ASIC2: variants seen among roughly 807,000 people sequenced by gnomAD.
ASIC2 encodes acid sensing ion channel subunit 2.
Under a neutral mutation model 57.3 loss-of-function variants are expected in ASIC2, and 25 were observed. The observed-to-expected ratio is 0.44, with a 90% confidence interval of 0.32 to 0.61. The LOEUF is 0.61. Among genes scored for constraint, ASIC2 ranks in the 20% least tolerant of loss-of-function variants. ASIC2 has a pLI of 0.06. For synonymous variants in ASIC2, 319 were observed against 307.5 expected (o/e 1.04, Z -0.39); for missense variants, 641 against 738.1 (o/e 0.87, Z 1.52).
chr17:33,942,460 T>C (rs901858261), intron 1 of ASIC2, among the ~76,000 whole-genome samples: 4 of 152,126 alleles, frequency 2.6e-5, no homozygotes, highest in African/African-American at 9.7e-5. Context: ...CAACAGCCAA[T>C]GGAAGAGCCA....
At chr17:33,316,444 C>T (rs544912792) in intron 1 of ASIC2, among the ~76,000 whole-genome samples, 5 of 152,184 alleles carry the variant, frequency 3.3e-5, no homozygotes, top group East Asian at 1.9e-4. Flanking sequence ...CTTTGCACCA[C>T]GCCAGGCTAA....
At position 33,315,442 on chromosome 17, in the gene ASIC2, C is replaced by T. The variant is rs553215563; in HGVS notation, c.556-203375G>A. On this transcript the variant is annotated intron_variant, in intron 1 of 9. Transcript: ENST00000359872. ...TAAACCCTGCATTTGTATTCCAAAACGCTTTGGGATATCTTAAAATAAAAT... is the reference window on the plus strand; with the variant it reads ...TAAACCCTGCATTTGTATTCCAAAATGCTTTGGGATATCTTAAAATAAAAT... Among the ~76,000 whole-genome samples, 30 of 152,198 alleles carry T rather than the reference C, an allele frequency of 2.0e-4. 2 individuals are homozygous for T. Among genetic ancestry groups the T allele is most frequent in the Admixed American group, 5.9e-4 (9 of 15,286 alleles).
At chr17:33,534,757 A>C (rs984285774) in intron 1 of ASIC2, 3 of 152,234 alleles carry the variant, frequency 2.0e-5, no homozygotes, top group African/African-American at 7.2e-5. Flanking sequence ...CCAGTGCTCT[A>C]TACCGAGGGG....
At chr17:33,793,928 T>A (rs897743492) in intron 1 of ASIC2, 1 of 152,210 alleles carries the variant, frequency 6.6e-6, no homozygotes, top group African/African-American at 2.4e-5. Context: ...ATGGTGACGA[T>A]GATTTTCTTC....
chr17:34,136,804 T>A (rs1912137935), intron 1 of ASIC2, among the ~76,000 whole-genome samples: 1 of 152,194 alleles, frequency 6.6e-6, no homozygotes, highest in Admixed American at 6.5e-5. Context: ...TTTGGAGAGT[T>A]TGGCTTTTTT....
At position 33,424,152 on chromosome 17, in the gene ASIC2, C is replaced by T. The variant is rs1911137135; in HGVS notation, c.556-312085G>A. Among the ~76,000 whole-genome samples, 4 of 152,194 alleles carry T rather than the reference C, an allele frequency of 2.6e-5. No homozygotes were observed. The South Asian group carries it at 8.3e-4, about 32-fold the overall frequency. On this transcript the variant is annotated intron_variant, in intron 1 of 9. Coordinates refer to the ASIC2 transcript ENST00000359872. ...TGAGAAATGCCACTTCAGAGCAGGG[C>T]CCTGAGAGTCTGTTCTGGTCACTGC...
At chr17:33,950,736 T>A (rs1904533323) in intron 1 of ASIC2, among the ~76,000 whole-genome samples, 2 of 152,306 alleles carry the variant, frequency 1.3e-5, no homozygotes, top group South Asian at 2.1e-4. Flanking sequence ...CTGGGTCCCC[T>A]CATCTGGGTC....
chr17:33,559,731 C>T (rs982208635), intron 1 of ASIC2, among the ~76,000 whole-genome samples: 1 of 152,170 alleles, frequency 6.6e-6, no homozygotes, highest in African/African-American at 2.4e-5. Flanking sequence ...TCAATGACCC[C>T]TTATTGCTTT....
intron 1 of ASIC2, among the ~76,000 whole-genome samples, chr17:33,780,538 T>C (rs1567713696): frequency 6.6e-6 from 1 of 152,164 alleles, no homozygotes; most frequent in Non-Finnish European, 1.5e-5. Flanking sequence ...AACACCCAAG[T>C]TTTACAGCCA....
chr17:33,103,909 G>C (rs1417737677), intron 2 of ASIC2, among the ~76,000 whole-genome samples: 2 of 152,154 alleles, frequency 1.3e-5, no homozygotes, highest in African/African-American at 2.4e-5. Flanking sequence ...GGGCCTAATA[G>C]TTCCTTTTGT....
chr17:33,273,679 A>T (rs1904595330), intron 1 of ASIC2, among the ~76,000 whole-genome samples: 1 of 152,238 alleles, frequency 6.6e-6, no homozygotes, highest in African/African-American at 2.4e-5. Context: ...CGCCCTCACA[A>T]CTGCAAATAC....
At chr17:33,999,944 G>A (rs1906280733) in intron 1 of ASIC2, among the ~76,000 whole-genome samples, 1 of 151,922 alleles carries the variant, frequency 6.6e-6, no homozygotes, top group Non-Finnish European at 1.5e-5. Flanking sequence ...TGCTCTAGTG[G>A]TGATGATCTC....
At chr17:33,582,242 A>G (rs769456321) in intron 1 of ASIC2, among the ~76,000 whole-genome samples, 7 of 152,254 alleles carry the variant, frequency 4.6e-5, no homozygotes, top group Non-Finnish European at 7.3e-5. Flanking sequence ...CCTGGAGGGC[A>G]GAAACTGGGT....
rs35910827 is a variant in ASIC2 at position 33,922,817 on chromosome 17, C to T, written c.555+233161G>A. ...CACACATGTTCTCAACCTTGATATG[C>T]CACCATCTCACGAATGGCAAGTGTA... On this transcript the variant is annotated intron_variant, in intron 1 of 9. Coordinates refer to the ASIC2 transcript ENST00000359872. Among the ~76,000 whole-genome samples the T allele has an allele frequency of 9.2e-3, 1,394 of 152,250 alleles. 26 individuals are homozygous for T. The highest frequency in any genetic ancestry group is 0.031 in the African/African-American group (1,296 of 41,536).
rs191882985 is a variant in ASIC2 at position 33,679,489 on chromosome 17, G to A, written c.555+476489C>T. ...TTCTTGGGGGCCTACCTTGTACTGG[G>A]CTCTGTGGTCCTGGGAGATGCAGCA... On this transcript the variant is annotated intron_variant, in intron 1 of 9. Transcript: ENST00000359872. 1.3e-4 allele frequency among the ~76,000 whole-genome samples: 20 copies of A among 152,292 alleles called. No homozygotes were observed. In the East Asian group the frequency reaches 3.7e-3, roughly 28 times the overall value.
At chr17:33,058,725 A>T (rs2097727) in intron 3 of ASIC2, among the ~76,000 whole-genome samples, 1 of 152,024 alleles carries the variant, frequency 6.6e-6, no homozygotes, top group African/African-American at 2.4e-5. Context: ...TTTTCAAGAG[A>T]CTTGCAAATG....
chr17:33,151,287 T>C (rs1904787763), intron 1 of ASIC2, among the ~76,000 whole-genome samples: 2 of 150,304 alleles, frequency 1.3e-5, no homozygotes, highest in African/African-American at 2.5e-5. Flanking sequence ...GGCAGAAAAA[T>C]CGCTTGAACC....
At chr17:33,058,655 CTACT>C (rs1296760799) in intron 3 of ASIC2, among the ~76,000 whole-genome samples, 4 of 152,082 alleles carry the variant, frequency 2.6e-5, no homozygotes, top group African/African-American at 9.7e-5. Flanking sequence ...CTTTCGGCCC[CTACT>C]CTCTCTTCTC....
intron 1 of ASIC2, among the ~76,000 whole-genome samples, chr17:33,870,650 A>G (rs2141931314): frequency 6.6e-6 from 1 of 152,242 alleles, no homozygotes; most frequent in African/African-American, 2.4e-5. Context: ...GTCTCAGGCC[A>G]GAGCCTCTTA....
Sources: gnomAD v4.1 joint callset for allele counts (sites outside exome capture counted in the v4.1 genomes callset) on GRCh38, gnomAD v4.1.1 for gene constraint, MANE v1.5 for transcripts, NCBI Gene and HGNC (gene_info 2026-07-23, HGNC 2026-07-21) for gene names.